The following UNC13A variants were observed in gnomAD, a reference collection of about 807,000 sequenced individuals.
UNC13A encodes the protein unc-13 homolog A, also known as protein unc-13 homolog A.
A neutral mutation model predicts 219.7 loss-of-function variants in UNC13A; 61 were observed. That is an observed-to-expected ratio of 0.28 (90% CI 0.23 to 0.34). UNC13A has a LOEUF of 0.34. UNC13A is among the 10% of genes least tolerant of loss of function. The pLI is 1.00. For synonymous variants in UNC13A, 920 were observed against 884.6 expected (o/e 1.04, Z -0.71); for missense variants, 1,476 against 2,270.3 (o/e 0.65, Z 7.11).
chr19:17,606,396 TG>T (rs2076530347), intron 43 of UNC13A, 42 bp from the exon 44 acceptor site: 2 of 1,529,688 alleles, frequency 1.3e-6, no homozygotes, highest in South Asian at 2.4e-5. Context: ...CCACACCTAC[TG>T]TGATGCCCCG....
intron 36 of UNC13A, 66 bp downstream of exon 36, chr19:17,623,476 C>T (rs1487992330): frequency 1.5e-4 from 204 of 1,385,586 alleles, no homozygotes; most frequent in Non-Finnish European, 1.8e-4. Context: ...GGTGCAGCGA[C>T]GCGGTGGGCC....
At chr19:17,611,953 C>A (rs916902598) in intron 41 of UNC13A, 98 bp from the exon 42 acceptor site, 11 of 1,041,932 alleles carry the variant, frequency 1.1e-5, no homozygotes, top group East Asian at 4.8e-5. Flanking sequence ...GCTGGCGGCA[C>A]CAGGTCATCA....
intron 39 of UNC13A, 52 bp from the exon 40 acceptor site, chr19:17,618,553 A>G: frequency 3.9e-6 from 6 of 1,530,412 alleles, no homozygotes; most frequent in Non-Finnish European, 5.3e-6. Context: ...CCACCTTTGG[A>G]ATCTGTGTCT....
rs570923411 is a variant in UNC13A at position 17,601,801 on chromosome 19, T to C, written c.*4253A>G. 6.5e-6 allele frequency: 1 copy of C among 152,680 alleles called. No homozygotes were observed. Among genetic ancestry groups the C allele is most frequent in the South Asian group, 2.1e-4 (1 of 4,820 alleles). The allele number at this position is 152,680 out of a possible 1,614,324, so 9.5% of individuals were successfully genotyped here. On this transcript the variant is annotated 3_prime_UTR_variant, in exon 44 of 44. Coordinates refer to ENST00000519716, the MANE Select transcript of UNC13A (RefSeq NM_001080421.3). ...GTGTTACTTGACACAGTCAACTTGA[T>C]TTTTCTCTGAAACAATAAAAGGCAA... is the stretch of plus-strand genomic sequence containing the variant.
chr19:17,684,506 G>C (rs7251427), intron 1 of UNC13A, among the ~76,000 whole-genome samples: 43,803 of 152,104 alleles, frequency 0.29, 6,781 homozygotes, highest in Middle Eastern at 0.38. Context: ...AAGGAACCAG[G>C]TGGCATTTAC....
In UNC13A at chr19:17,674,462, G is replaced by T. The variant is rs2079857592; in HGVS notation, c.152+195C>A. Among the ~76,000 whole-genome samples, 1 of 152,158 alleles carries T rather than the reference G, an allele frequency of 6.6e-6. No homozygotes were observed. The highest frequency in any genetic ancestry group is 1.5e-5 in the Non-Finnish European group (1 of 68,044). ...GCTGGCGGGCAGCAGGGACTTGGCT[G>T]GTGGCTGCGGAGACCAAGGGAAGTG... On this transcript the variant is annotated intron_variant, in intron 3 of 43. Transcript: ENST00000519716. The surrounding 1 kb of genome is among the most constrained non-coding windows in gnomAD (Gnocchi z 5.0).
intron 1 of UNC13A, among the ~76,000 whole-genome samples, chr19:17,678,304 C>G (rs1193873005): frequency 6.6e-6 from 1 of 152,122 alleles, no homozygotes; most frequent in Non-Finnish European, 1.5e-5. Flanking sequence ...CATGGGGAAA[C>G]CTCGTCTCTC....
rs1398282693 is a variant in UNC13A at position 17,627,159 on chromosome 19, C to T, written c.3920+350G>A. On this transcript the variant is annotated intron_variant, in intron 33 of 43. Coordinates refer to ENST00000519716, the MANE Select transcript of UNC13A (RefSeq NM_001080421.3). The surrounding 1 kb of genome is among the most constrained non-coding windows in gnomAD (Gnocchi z 4.7). Reference sequence around the variant, plus strand: ...CCAGCCTGGTGACAGAACGAGACTTCGTCTCAAAAAAAAAAAAAGAGTGGA... The same window carrying T: ...CCAGCCTGGTGACAGAACGAGACTTTGTCTCAAAAAAAAAAAAAGAGTGGA... Among the ~76,000 whole-genome samples the T allele has an allele frequency of 6.9e-6, 1 of 144,726 alleles. No individual in the cohort carries two copies. Among genetic ancestry groups the T allele is most frequent in the Non-Finnish European group, 1.6e-5 (1 of 64,408 alleles). The allele number at this position is 144,726 out of a possible 152,430, so 94.9% of individuals were successfully genotyped here.
Position 17,669,536 on chromosome 19 carries a change from C to T in UNC13A, c.394+17G>A, listed in dbSNP as rs746382505. The T allele has an allele frequency of 1.1e-5, 17 of 1,611,034 alleles. No homozygotes were observed. Among genetic ancestry groups the T allele is most frequent in the Middle Eastern group, 1.6e-4 (1 of 6,062 alleles). The stretch of plus-strand genomic sequence containing the variant: ...TGGGGCTGGGGCTGGGTGAAGGTCC[C>T]GGGCCCCTGTACTCACCTAAGGGTA... On this transcript the variant is annotated intron_variant, in intron 5 of 43. Transcript: ENST00000519716.
chr19:17,631,208 C>CT (rs1568513390), intron 28 of UNC13A, among the ~76,000 whole-genome samples: 31 of 47,860 alleles, frequency 6.5e-4, no homozygotes, highest in African/African-American at 2.2e-3. Flanking sequence ...CCCTCCCTTC[C>CT]TTCCTTCCTT....
In UNC13A at chr19:17,605,702, G is replaced by A. The variant is rs1456197575; in HGVS notation, c.*352C>T. On this transcript the variant is annotated 3_prime_UTR_variant, in exon 44 of 44. Coordinates refer to ENST00000519716, the MANE Select transcript of UNC13A (RefSeq NM_001080421.3). ...ATCTTATGGCTTTTCCAGGGGACAT[G>A]AGGTGGTGCCTCCCGGTACCAGAGC... 1.7e-5 allele frequency: 4 copies of A among 238,106 alleles called. No homozygotes were observed. Among genetic ancestry groups the A allele is most frequent in the Non-Finnish European group, 3.2e-5 (4 of 124,666 alleles). 14.7% of individuals were successfully genotyped at this position (238,106 alleles called of 1,614,324 possible).
At chr19:17,645,601 C>T in intron 19 of UNC13A, 73 bp downstream of exon 19, 4 of 1,588,076 alleles carry the variant, frequency 2.5e-6, no homozygotes, top group Non-Finnish European at 1.7e-6. Context: ...TCTCTCTGCT[C>T]TTCGTGGGCT....
rs1187839250 is a variant in UNC13A, at chr19:17,647,443, G to A, written c.1866C>T (p.Asn622=). ...SKHGAEDRTQ[N]IIMVLKDRMK... is the part of the protein sequence containing the mutation. ...TGCGGTCCTTGAGCACCATGATGAT[G>A]TTCTGTGTCCGGTCCTCCGCCCCGT... Residue 622 remains asparagine (N), a synonymous_variant, in exon 17 of 44, where the codon AAC becomes AAT. Coordinates refer to ENST00000519716, the MANE Select transcript of UNC13A (RefSeq NM_001080421.3). 6.2e-7 allele frequency: 1 copy of A among 1,613,640 alleles called. No individual in the cohort carries two copies. Among genetic ancestry groups the A allele is most frequent in the South Asian group, 1.1e-5 (1 of 91,090 alleles).
Position 17,620,126 on chromosome 19 carries a change from G to A in UNC13A, c.4272+567C>T, listed in dbSNP as rs1282790022. ...CCAGGCTTGTCCCTGAATGCTCTGA[G>A]CCTCAATTCCCACTGTGGCTAACAG... On this transcript the variant is annotated intron_variant, in intron 38 of 43. Coordinates refer to ENST00000519716, the MANE Select transcript of UNC13A (RefSeq NM_001080421.3). 3.3e-5 allele frequency among the ~76,000 whole-genome samples: 5 copies of A among 152,310 alleles called. No homozygotes were observed. The East Asian group carries it at 5.8e-4, about 18-fold the overall frequency.
rs75749068 is a variant in UNC13A, at chr19:17,639,128, G to A, written c.3036C>T (p.Phe1012=). 2.5e-6 allele frequency: 4 copies of A among 1,613,284 alleles called. No individual in the cohort carries two copies. The highest frequency in any genetic ancestry group is 2.7e-5 in the African/African-American group (2 of 74,886). The change falls in exon 25 of 44, where the codon TTC becomes TTT. Residue 1012 remains phenylalanine, a synonymous_variant. Transcript: ENST00000519716. ...GGCTGTACAGTTCATGGCAGTTATT[G>A]AAGATGTACTCGTAGGTAGAATTAA... ...ACLNSTYEYI[F]NNCHELYSRE... is the part of the protein sequence containing the mutation.
chr19:17,609,302 A>G (rs2076576461), intron 43 of UNC13A, among the ~76,000 whole-genome samples: 1 of 151,838 alleles, frequency 6.6e-6, no homozygotes, highest in Non-Finnish European at 1.5e-5. Flanking sequence ...CCACATCATC[A>G]GCATCCTCTA....
intron 8 of UNC13A, 67 bp downstream of exon 8, chr19:17,663,465 C>T (rs895398290): frequency 1.4e-5 from 22 of 1,575,046 alleles, no homozygotes; most frequent in Non-Finnish European, 1.9e-5. Context: ...GGGGAGGGGC[C>T]TTGGGATCAC....
intron 19 of UNC13A, 33 bp downstream of exon 19, chr19:17,645,641 T>C (rs1199961382): frequency 1.2e-6 from 2 of 1,612,732 alleles, no homozygotes; most frequent in Admixed American, 3.3e-5. Context: ...CTGGGACCCG[T>C]CCCCACCCGC....
intron 3 of UNC13A, among the ~76,000 whole-genome samples, chr19:17,673,642 G>A (rs1244726552): frequency 6.6e-6 from 1 of 151,800 alleles, no homozygotes; most frequent in Non-Finnish European, 1.5e-5. Context: ...GCAGTGAGCC[G>A]AGATTGCACC....
Sources: gnomAD v4.1 joint callset for allele counts (sites outside exome capture counted in the v4.1 genomes callset) on GRCh38, gnomAD v4.1.1 for gene constraint, Gnocchi (gnomAD v3.1) non-coding constraint, MANE v1.5 for transcripts, NCBI Gene and HGNC (gene_info 2026-07-23, HGNC 2026-07-21) for gene names.